The following WWOX variants were observed in gnomAD, a reference collection of about 807,000 sequenced individuals.
WWOX encodes the protein WW domain containing oxidoreductase.
A neutral mutation model predicts 46.2 loss-of-function variants in WWOX; 69 were observed. The observed-to-expected ratio is 1.49, with a 90% CI of 1.23 to 1.82. The LOEUF (loss-of-function observed/expected upper bound fraction) is 1.82, where lower values mean the gene tolerates loss of function less well. Among genes scored for constraint, WWOX ranks in the 40% most tolerant of loss-of-function variants. The probability of loss-of-function intolerance (pLI) is 0.00; values close to 1 mark genes in which losing one functional copy is unlikely to be tolerated. For missense variants in WWOX, 919 were observed against 542.6 expected, an observed-to-expected ratio of 1.69 and a Z score of -6.89; for synonymous variants, 359 against 202.6, an observed-to-expected ratio of 1.77 and a Z score of -6.56.
intron 8 of WWOX, among the ~76,000 whole-genome samples, chr16:78,733,644 A>C (rs928019552): frequency 4.0e-5 from 6 of 151,054 alleles, no homozygotes; most frequent in African/African-American, 1.2e-4. Flanking sequence ...AGTTCCAGCT[A>C]CTCGGTAGCC....
At chr16:78,629,907 T>G (rs1367344334) in intron 8 of WWOX, among the ~76,000 whole-genome samples, 1 of 152,232 alleles carries the variant, frequency 6.6e-6, no homozygotes, top group Non-Finnish European at 1.5e-5. Context: ...TTTTTAGAAA[T>G]AGAAAATTAA....
At chr16:78,761,243 G>A (rs980947801) in intron 8 of WWOX, among the ~76,000 whole-genome samples, 1 of 152,070 alleles carries the variant, frequency 6.6e-6, no homozygotes, top group South Asian at 2.1e-4. Context: ...GTTTGTAGTA[G>A]ACCATAAGCA....
At chr16:78,265,406 C>T (rs187457094) in intron 5 of WWOX, among the ~76,000 whole-genome samples, 14 of 152,088 alleles carry the variant, frequency 9.2e-5, no homozygotes, top group African/African-American at 2.9e-4. Context: ...AACGGGCAGG[C>T]GTGGTGGCAC....
At chr16:78,469,908 A>T (rs1323291751) in intron 8 of WWOX, among the ~76,000 whole-genome samples, 1 of 152,268 alleles carries the variant, frequency 6.6e-6, no homozygotes, top group Non-Finnish European at 1.5e-5. Flanking sequence ...AGCCAATAAG[A>T]TGTAACTGAA....
rs143703582 is a variant in WWOX at position 78,935,638 on chromosome 16, G to T, written c.1057-275970G>T. ...GGGGGAGGGGAGAAGGATAGCATTA[G>T]GAGATATATCTAATGTAAATGACGA... On this transcript the variant is annotated intron_variant, in intron 8 of 8. Coordinates refer to ENST00000566780, the MANE Select transcript of WWOX (RefSeq NM_016373.4). Among the ~76,000 whole-genome samples, 87 of 152,054 alleles carry T rather than the reference G, an allele frequency of 5.7e-4. 1 individual carries two copies. In the East Asian group the frequency reaches 0.016, roughly 27 times the overall value.
intron 8 of WWOX, among the ~76,000 whole-genome samples, chr16:78,862,578 G>A (rs1246496800): frequency 3.3e-5 from 5 of 151,952 alleles, no homozygotes; most frequent in East Asian, 1.9e-4. Context: ...CTGAGACATC[G>A]AAACCCAGGA....
intron 8 of WWOX, among the ~76,000 whole-genome samples, chr16:78,578,261 T>TC (rs1363988344): frequency 4.6e-5 from 1 of 21,638 alleles, no homozygotes; most frequent in Non-Finnish European, 1.2e-4. Context: ...ATTTTATATA[T>TC]ATATATATAT....
At chr16:78,252,088 A>G (rs1258009060) in intron 5 of WWOX, among the ~76,000 whole-genome samples, 1 of 152,172 alleles carries the variant, frequency 6.6e-6, no homozygotes, top group Non-Finnish European at 1.5e-5. Flanking sequence ...TTTCATTGAC[A>G]TGTCATCAGC....
chr16:78,894,309 T>C (rs1274346593), intron 8 of WWOX, among the ~76,000 whole-genome samples: 2 of 152,102 alleles, frequency 1.3e-5, no homozygotes, highest in African/African-American at 4.8e-5. Context: ...TTAATGGGAA[T>C]ATTTTAGACT....
intron 8 of WWOX, among the ~76,000 whole-genome samples, chr16:78,510,543 C>G (rs1249508269): frequency 1.3e-5 from 2 of 152,104 alleles, no homozygotes; most frequent in African/African-American, 2.4e-5. Context: ...TGAAAAGTAT[C>G]AAGCAATACT....
At chr16:78,979,409 G>C (rs908335319) in intron 8 of WWOX, among the ~76,000 whole-genome samples, 1 of 152,166 alleles carries the variant, frequency 6.6e-6, no homozygotes, top group Admixed American at 6.5e-5. Flanking sequence ...GAAGAGAGAA[G>C]TTTATGTCTG....
chr16:78,521,044 C>A (rs920277978), intron 8 of WWOX, among the ~76,000 whole-genome samples: 2 of 152,186 alleles, frequency 1.3e-5, no homozygotes, highest in African/African-American at 4.8e-5. Context: ...TCTGGAAACA[C>A]ACTCCCTGAG....
chr16:78,154,693 A>G (rs955634442), intron 4 of WWOX, among the ~76,000 whole-genome samples: 1 of 151,968 alleles, frequency 6.6e-6, no homozygotes, highest in African/African-American at 2.4e-5. Context: ...GTCCACGCAA[A>G]GCCAAGTGCT....
chr16:79,143,253 C>T (rs1441006095), intron 8 of WWOX, among the ~76,000 whole-genome samples: 4 of 152,202 alleles, frequency 2.6e-5, no homozygotes, highest in Admixed American at 2.6e-4. Flanking sequence ...AAGTCTTTCT[C>T]TACACTCTTT....
chr16:79,028,832 C>G lies in WWOX; in HGVS notation c.1057-182776C>G, dbSNP rs144073560. Among the ~76,000 whole-genome samples the G allele has an allele frequency of 4.2e-3, 635 of 151,590 alleles. 20 individuals are homozygous for G. The highest frequency in any genetic ancestry group is 0.015 in the African/African-American group (597 of 41,024). ...GCGAATGGTTTTCCAATCTTCAAAC[C>G]AACCTATATCACAAAAGCATTCTGA... is the stretch of plus-strand genomic sequence containing the variant. On this transcript the variant is annotated intron_variant, in intron 8 of 8. Transcript: ENST00000566780.
chr16:78,615,497 A>C (rs1400199158), intron 8 of WWOX, among the ~76,000 whole-genome samples: 1 of 151,806 alleles, frequency 6.6e-6, no homozygotes, highest in Non-Finnish European at 1.5e-5. Flanking sequence ...TAAATTTAAA[A>C]ATTAACTGGG....
At chr16:78,109,916 CTG>C in intron 3 of WWOX, 81 bp downstream of exon 3, 1 of 1,449,598 alleles carries the variant, frequency 6.9e-7, no homozygotes, top group Non-Finnish European at 9.6e-7. Flanking sequence ...TACATAGTAA[CTG>C]TAGAAAAATA....
At position 79,151,161 on chromosome 16, in the gene WWOX, A is replaced by G. The variant is rs527930556; in HGVS notation, c.1057-60447A>G. ...AGAAAATTCCCCTCCTGCTTTCCAT[A>G]TGTTATATAGTTAACTGTAAAAGTG... is the stretch of plus-strand genomic sequence containing the variant. On this transcript the variant is annotated intron_variant, in intron 8 of 8. Transcript: ENST00000566780. Among the ~76,000 whole-genome samples the G allele has an allele frequency of 2.3e-4, 35 of 152,278 alleles. No individual in the cohort carries two copies. In the South Asian group the frequency reaches 4.4e-3, roughly 19 times the overall value.
intron 8 of WWOX, among the ~76,000 whole-genome samples, chr16:78,694,455 G>A (rs896920874): frequency 9.2e-5 from 14 of 152,216 alleles, no homozygotes; most frequent in South Asian, 6.2e-4. Context: ...ACTGAGAAGC[G>A]TCAGACACCA....
Sources: gnomAD v4.1 joint callset for allele counts (sites outside exome capture counted in the v4.1 genomes callset) on GRCh38, gnomAD v4.1.1 for gene constraint, MANE v1.5 for transcripts, NCBI Gene and HGNC (gene_info 2026-07-23, HGNC 2026-07-21) for gene names.